Variants in KCND2 observed in about 807,000 individuals in gnomAD.
The protein encoded by KCND2 is potassium voltage-gated channel subfamily D member 2.
Under a neutral mutation model 54.4 loss-of-function variants are expected in KCND2, and 16 were observed. The ratio of observed to expected loss-of-function variants is 0.29; its 90% CI spans 0.20 to 0.45. The LOEUF (loss-of-function observed/expected upper bound fraction) is 0.45, where lower values mean the gene tolerates loss of function less well. Among genes scored for constraint, KCND2 ranks in the 20% least tolerant of loss-of-function variants. The pLI is 1.00. For missense variants in KCND2, 486 were observed against 824.2 expected (o/e 0.59, Z 5.02); for synonymous variants, 317 against 310.7 (o/e 1.02, Z -0.21).
chr7:120,660,267 T>A (rs1791849866), intron 1 of KCND2, among the ~76,000 whole-genome samples: 1 of 152,238 alleles, frequency 6.6e-6, no homozygotes, highest in South Asian at 2.1e-4. Flanking sequence ...CAGTTACCAG[T>A]GAACATCCAG....
At chr7:120,628,944 G>A (rs1343576149) in intron 1 of KCND2, among the ~76,000 whole-genome samples, 1 of 152,154 alleles carries the variant, frequency 6.6e-6, no homozygotes, top group Non-Finnish European at 1.5e-5. Flanking sequence ...TAGAGAACTC[G>A]GACTTACATT....
At chr7:120,570,374 C>G (rs779452190) in intron 1 of KCND2, among the ~76,000 whole-genome samples, 1 of 150,642 alleles carries the variant, frequency 6.6e-6, no homozygotes, top group Admixed American at 6.6e-5. Context: ...ATTATATCCA[C>G]GTAATACAAC....
At chr7:120,423,371 T>C (rs920199146) in intron 1 of KCND2, among the ~76,000 whole-genome samples, 3 of 152,238 alleles carry the variant, frequency 2.0e-5, no homozygotes, top group African/African-American at 7.2e-5. Flanking sequence ...TTCAAAGCTA[T>C]CTAAAAGATT....
At chr7:120,331,173 C>T (rs1370983896) in intron 1 of KCND2, among the ~76,000 whole-genome samples, 1 of 151,874 alleles carries the variant, frequency 6.6e-6, no homozygotes, top group Non-Finnish European at 1.5e-5. Flanking sequence ...GTATTTTAAC[C>T]ATATGTTCCA....
At chr7:120,640,758 A>G (rs527352163) in intron 1 of KCND2, among the ~76,000 whole-genome samples, 6 of 152,316 alleles carry the variant, frequency 3.9e-5, no homozygotes, top group African/African-American at 1.4e-4. Flanking sequence ...ATTGCATTGC[A>G]TGGATATTAA....
chr7:120,711,423 T>C (rs746147523), intron 1 of KCND2, among the ~76,000 whole-genome samples: 8 of 152,194 alleles, frequency 5.3e-5, no homozygotes, highest in Non-Finnish European at 5.9e-5. Context: ...CAAAGATGCT[T>C]AAAGCAGTTT....
chr7:120,574,379 T>C (rs1242250421), intron 1 of KCND2, among the ~76,000 whole-genome samples: 1 of 152,172 alleles, frequency 6.6e-6, no homozygotes, highest in Admixed American at 6.5e-5. Context: ...AAAATTCCAA[T>C]GGCAATACTT....
chr7:120,599,870 C>T (rs1792792815), intron 1 of KCND2, among the ~76,000 whole-genome samples: 1 of 151,870 alleles, frequency 6.6e-6, no homozygotes, highest in African/African-American at 2.4e-5. Flanking sequence ...TGCATTATTT[C>T]TGATTACAGG....
intron 1 of KCND2, among the ~76,000 whole-genome samples, chr7:120,635,907 A>T (rs17142876): frequency 6.6e-6 from 1 of 152,076 alleles, no homozygotes; most frequent in Admixed American, 6.6e-5. Context: ...CATTTAAAAC[A>T]ATGGAATAGG....
chr7:120,450,596 A>G (rs1361679083), intron 1 of KCND2, among the ~76,000 whole-genome samples: 26 of 152,176 alleles, frequency 1.7e-4, no homozygotes, highest in Non-Finnish European at 2.9e-5. Context: ...TATGTACACC[A>G]ATGGAAACCC....
chr7:120,542,389 T>C (rs148316672), intron 1 of KCND2, among the ~76,000 whole-genome samples: 120 of 152,270 alleles, frequency 7.9e-4, no homozygotes, highest in Middle Eastern at 3.4e-3. Flanking sequence ...TTAGGGTGAA[T>C]CAGTTATAAA....
chr7:120,719,026 C>T, intron 1 of KCND2, among the ~76,000 whole-genome samples: 1 of 151,998 alleles, frequency 6.6e-6, no homozygotes, highest in East Asian at 1.9e-4. Context: ...AATTTGTGAT[C>T]AGCATCAAAG....
At chr7:120,557,404 T>C (rs1792178914) in intron 1 of KCND2, among the ~76,000 whole-genome samples, 1 of 152,116 alleles carries the variant, frequency 6.6e-6, no homozygotes, top group Non-Finnish European at 1.5e-5. Context: ...ATAGAAGAAA[T>C]AAGACCTAGT....
intron 1 of KCND2, among the ~76,000 whole-genome samples, chr7:120,478,249 A>G (rs1309362261): frequency 6.6e-6 from 1 of 152,194 alleles, no homozygotes; most frequent in African/African-American, 2.4e-5. Context: ...AAAGTATACT[A>G]GAAGGATAAT....
chr7:120,581,704 T>C (rs1792517468), intron 1 of KCND2, among the ~76,000 whole-genome samples: 1 of 119,860 alleles, frequency 8.3e-6, no homozygotes, highest in Non-Finnish European at 1.7e-5. Flanking sequence ...GAATCTAAAA[T>C]TGGTAGATCT....
At chr7:120,625,528 A>G (rs1348297695) in intron 1 of KCND2, among the ~76,000 whole-genome samples, 2 of 152,188 alleles carry the variant, frequency 1.3e-5, no homozygotes, top group Non-Finnish European at 2.9e-5. Context: ...TTAAAATCTG[A>G]GATAGAGTAA....
intron 1 of KCND2, among the ~76,000 whole-genome samples, chr7:120,365,275 T>G (rs1308785375): frequency 6.6e-6 from 1 of 151,784 alleles, no homozygotes; most frequent in Non-Finnish European, 1.5e-5. Flanking sequence ...GGGATACTAA[T>G]TGATGAAGCC....
intron 1 of KCND2, among the ~76,000 whole-genome samples, chr7:120,509,984 C>T (rs1247137159): frequency 3.3e-5 from 5 of 152,086 alleles, no homozygotes; most frequent in Admixed American, 6.6e-5. Flanking sequence ...CATCTAGCCA[C>T]AAGACCCTAC....
intron 1 of KCND2, among the ~76,000 whole-genome samples, chr7:120,652,118 G>GCCC (rs1791742766): frequency 6.7e-6 from 1 of 148,714 alleles, no homozygotes; most frequent in African/African-American, 2.5e-5. Flanking sequence ...GCTCTGTTGT[G>GCCC]AGGCTGGAGT....
Sources: allele counts gnomAD v4.1 joint callset (sites outside exome capture counted in the v4.1 genomes callset), GRCh38; gene constraint gnomAD v4.1.1; transcripts MANE v1.5; gene names NCBI Gene and HGNC (gene_info 2026-07-23, HGNC 2026-07-21).